The following ZNF730 variants were observed in gnomAD, a reference collection of about 807,000 sequenced individuals.
ZNF730 encodes the protein zinc finger protein 730, also known as putative zinc finger protein 730.
In ZNF730, 12 loss-of-function variants were observed where a neutral mutation model predicts 12.6. The observed-to-expected ratio is 0.95, with a 90% CI of 0.61 to 1.54. The LOEUF (loss-of-function observed/expected upper bound fraction) is 1.54. Ranked by LOEUF, ZNF730 falls within the 40% of genes most tolerant of loss-of-function variation. The pLI is 0.00. For missense variants in ZNF730, 643 were observed against 583.5 expected (o/e 1.10, Z -1.05); for synonymous variants, 194 against 195.8 (o/e 0.99, Z 0.08).
chr19:23,129,370 CAG>C (rs1462383873), intron 1 of ZNF730, among the ~76,000 whole-genome samples: 2 of 152,158 alleles, frequency 1.3e-5, no homozygotes, highest in Admixed American at 6.5e-5. Context: ...TGCAGAGCCA[CAG>C]GGGTGGAGCT....
intron 1 of ZNF730, among the ~76,000 whole-genome samples, chr19:23,117,771 G>A (rs1006379232): frequency 3.3e-5 from 5 of 152,054 alleles, no homozygotes; most frequent in African/African-American, 1.2e-4. Context: ...CACCTTGAGC[G>A]TACAAATTTT....
At chr19:23,127,462 T>C (rs964948406) in intron 1 of ZNF730, 3 of 1,105,188 alleles carry the variant, frequency 2.7e-6, no homozygotes, top group Non-Finnish European at 4.1e-6. Context: ...CTTCTCCTTC[T>C]CCAAGCTTCT....
upstream of ZNF730, chr19:23,116,865 C>A: frequency 1.8e-6 from 1 of 546,452 alleles, no homozygotes; most frequent in Non-Finnish European, 3.2e-6. Context: ...CTGCAGCCTA[C>A]GCTGTCACTC....
At chr19:23,135,527 T>C (rs571307240) in intron 2 of ZNF730, among the ~76,000 whole-genome samples, 1 of 152,196 alleles carries the variant, frequency 6.6e-6, no homozygotes, top group South Asian at 2.1e-4. Flanking sequence ...TTTATTTTTT[T>C]GGAGACAGAG....
At chr19:23,087,336 A>G (rs1247110642) in intron 1 of ZNF730, among the ~76,000 whole-genome samples, 2 of 152,000 alleles carry the variant, frequency 1.3e-5, no homozygotes, top group Non-Finnish European at 2.9e-5. Flanking sequence ...TGAACCCGGG[A>G]GGCAGAGGTT....
At chr19:23,133,971 C>A (rs1305769525) in intron 1 of ZNF730, 109 bp from the exon 2 acceptor site, 4 of 1,319,562 alleles carry the variant, frequency 3.0e-6, no homozygotes, top group Admixed American at 2.3e-5. Context: ...ATTTCAGTCA[C>A]CCCTATAAGT....
upstream of ZNF730, chr19:23,116,969 C>T: frequency 2.3e-5 from 14 of 600,456 alleles, no homozygotes; most frequent in Admixed American, 4.6e-5. Flanking sequence ...GGGCGGGGGG[C>T]CGTCCAATCA....
Position 23,146,843 on chromosome 19 carries a change from C to G in ZNF730, c.*287C>G. 1.3e-6 allele frequency: 1 copy of G among 780,374 alleles called. No homozygotes were observed. Among genetic ancestry groups the G allele is most frequent in the Non-Finnish European group, 2.2e-6 (1 of 451,132 alleles). The allele number at this position is 780,374 out of a possible 1,614,324, so 48.3% of individuals were successfully genotyped here. On this transcript the variant is annotated 3_prime_UTR_variant, in exon 4 of 4. Coordinates refer to ENST00000597761, the MANE Select transcript of ZNF730 (RefSeq NM_001277403.2). ...AATGTGACAAAGCCTTTAACAAATC[C>G]TTAATTCTTAACAGACATGATTCAT...
chr19:23,135,909 A>G, intron 2 of ZNF730, 39 bp from the exon 3 acceptor site: 2 of 1,554,204 alleles, frequency 1.3e-6, no homozygotes, highest in South Asian at 2.3e-5. Context: ...TGGTAATTGG[A>G]GAATATGAGC....
Position 23,146,473 on chromosome 19 carries a change from GA to G in ZNF730, c.1435del (p.Ile479SerfsTer46). The G allele has an allele frequency of 6.2e-7, 1 of 1,607,472 alleles. No individual in the cohort carries two copies. Reference protein sequence around the residue: ...LTTHKIIHSGEKIYKCKECGK... With the variant: ...LTTHKIIHSGXKIYKCKECGK... ...TACACATAAGATAATTCATTCTGGGGAAAAAATCTACAAATGTAAAGAATGT... is the reference window on the plus strand; with the variant it reads ...TACACATAAGATAATTCATTCTGGGGAAAAATCTACAAATGTAAAGAATGT... On this transcript the variant is annotated frameshift_variant, in exon 4 of 4. Transcript: ENST00000597761. LOFTEE classifies it low-confidence loss of function (END_TRUNC).
rs778001223 is a variant in ZNF730 at position 23,145,854 on chromosome 19, C to G, written c.810C>G (p.Asn270Lys). The change falls in exon 4 of 4, where the codon AAC becomes AAG. Residue 270 changes from asparagine (N) to lysine (K), a missense_variant. Asn to Lys is a moderately conservative substitution (Grantham distance 94). Transcript: ENST00000597761. ...KCGKFFNQST[N>K]LTTHKRIHTG... is the part of the protein sequence containing the mutation. ...GCAAATTTTTTAACCAATCCACAAACCTTACTACACATAAAAGAATTCATA... is the reference window on the plus strand; with the variant it reads ...GCAAATTTTTTAACCAATCCACAAAGCTTACTACACATAAAAGAATTCATA... The G allele has an allele frequency of 1.2e-6, 2 of 1,607,932 alleles. No individual in the cohort carries two copies. Among genetic ancestry groups the G allele is most frequent in the South Asian group, 2.2e-5 (2 of 90,388 alleles).
intron 1 of ZNF730, chr19:23,100,254 T>C (rs1321687193): frequency 1.3e-5 from 2 of 152,106 alleles, no homozygotes; most frequent in African/African-American, 2.4e-5. Context: ...ACTCTTGTGC[T>C]TGCTGTCTAC....
chr19:23,139,283 T>A (rs1168726852), intron 3 of ZNF730, among the ~76,000 whole-genome samples: 1 of 152,208 alleles, frequency 6.6e-6, no homozygotes, highest in East Asian at 1.9e-4. Context: ...GCTTCTAAGC[T>A]TGGATTACAG....
chr19:23,077,426 T>G (rs1969883571), intron 1 of ZNF730, among the ~76,000 whole-genome samples: 1 of 13,922 alleles, frequency 7.2e-5, no homozygotes, highest in Admixed American at 8.3e-4. Flanking sequence ...CCTAAGAGCT[T>G]TTTTTTTTTT....
intron 1 of ZNF730, among the ~76,000 whole-genome samples, chr19:23,133,086 T>G (rs931638064): frequency 6.6e-6 from 1 of 152,220 alleles, no homozygotes; most frequent in Non-Finnish European, 1.5e-5. Flanking sequence ...TGGAGTTAAT[T>G]ATTTTTCTCT....
chr19:23,137,331 ATTTAT>A (rs1249955741), intron 3 of ZNF730, among the ~76,000 whole-genome samples: 1 of 152,050 alleles, frequency 6.6e-6, no homozygotes, highest in Non-Finnish European at 1.5e-5. Context: ...GTTCTCAGAA[ATTTAT>A]TTTAGTGCTA....
upstream of ZNF730, among the ~76,000 whole-genome samples, chr19:23,113,773 G>A (rs1035065844): frequency 3.9e-5 from 6 of 152,050 alleles, no homozygotes; most frequent in African/African-American, 1.2e-4. Context: ...AAAACCCATA[G>A]TTCTGCTATT....
At chr19:23,083,672 G>A (rs571674685) in intron 1 of ZNF730, among the ~76,000 whole-genome samples, 1 of 151,600 alleles carries the variant, frequency 6.6e-6, no homozygotes, top group African/African-American at 2.4e-5. Context: ...CATTTACCTG[G>A]TGATTAGTTT....
upstream of ZNF730, among the ~76,000 whole-genome samples, chr19:23,114,095 T>C (rs1045267086): frequency 6.6e-6 from 1 of 152,162 alleles, no homozygotes; most frequent in Non-Finnish European, 1.5e-5. Flanking sequence ...AATCCCAAGC[T>C]GTAATCAATC....
Sources: gnomAD v4.1 joint callset for allele counts (sites outside exome capture counted in the v4.1 genomes callset) on GRCh38, gnomAD v4.1.1 for gene constraint, MANE v1.5 for transcripts, NCBI Gene and HGNC (gene_info 2026-07-23, HGNC 2026-07-21) for gene names.